TWIST2: variants seen among roughly 807,000 people sequenced by gnomAD.
TWIST2 encodes twist family bHLH transcription factor 2.
A neutral mutation model predicts 11.6 loss-of-function variants in TWIST2; 1 was observed. The observed-to-expected ratio is 0.09, with a 90% CI of 0.03 to 0.41. The LOEUF (loss-of-function observed/expected upper bound fraction) is 0.41. Ranked by LOEUF, TWIST2 falls within the 10% of genes least tolerant of loss-of-function variation. The probability of loss-of-function intolerance (pLI) is 0.98; values close to 1 mark genes in which losing one functional copy is unlikely to be tolerated. For missense variants in TWIST2, 168 were observed against 226.4 expected (o/e 0.74, Z 1.66); for synonymous variants, 87 against 96.6 (o/e 0.90, Z 0.58).
chr2:238,870,125 CA>C lies in TWIST2; in HGVS notation c.*35+21393del, dbSNP rs1280560331. ...GTACACAGACACACCATACACCCCC[CA>C]CACACACACCACACCCCATACACAC... is the stretch of plus-strand genomic sequence containing the variant. On this transcript the variant is annotated intron_variant, in intron 1 of 1. Coordinates refer to ENST00000612363, the MANE Select transcript of TWIST2 (RefSeq NM_001271893.4). Among the ~76,000 whole-genome samples the C allele has an allele frequency of 6.9e-3, 549 of 79,458 alleles. 49 individuals are homozygous for C. The highest frequency in any genetic ancestry group is 0.035 in the African/African-American group (515 of 14,864). The allele number at this position is 79,458 out of a possible 152,430, so 52.1% of individuals were successfully genotyped here. A position where few individuals can be genotyped will look rare whatever the true frequency, so the allele number is the denominator to read the frequency against.
At chr2:238,900,293 TGTGACTGGGCAGACAGAAGCTTGGG>T (rs1242185176) in intron 1 of TWIST2, among the ~76,000 whole-genome samples, 1 of 152,222 alleles carries the variant, frequency 6.6e-6, no homozygotes, top group Non-Finnish European at 1.5e-5. Flanking sequence ...TTATTCATTG[TGTGACTGGGCAGACAGAAGCTTGGG>T]GTGACTGGGG....
chr2:238,903,067 A>ATGTGCGTGATGTGAG (rs1693296741), intron 1 of TWIST2, among the ~76,000 whole-genome samples: 1 of 56,932 alleles, frequency 1.8e-5, no homozygotes, highest in Non-Finnish European at 3.2e-5. Context: ...TGTGTGATGT[A>ATGTGCGTGATGTGAG]GTGTGTGTGA....
intron 1 of TWIST2, among the ~76,000 whole-genome samples, chr2:238,872,754 C>T (rs575242212): frequency 1.3e-5 from 2 of 152,352 alleles, no homozygotes; most frequent in East Asian, 3.9e-4. Context: ...ATTTACTGGA[C>T]AGGTGACCAG....
chr2:238,876,727 G>C (rs750078889), intron 1 of TWIST2, among the ~76,000 whole-genome samples: 1 of 152,186 alleles, frequency 6.6e-6, no homozygotes, highest in South Asian at 2.1e-4. Context: ...GCATTCAGAT[G>C]CCTTTGCCAG....
Position 238,896,145 on chromosome 2 carries a change from G to A in TWIST2, c.*36-13697G>A, listed in dbSNP as rs896784008. ...CGGGGTCAGAGGCATGAGTCACGGA[G>A]GGGGGAGAGAGGGGCGGGGATCCGG... On this transcript the variant is annotated intron_variant, in intron 1 of 1. Coordinates refer to ENST00000612363, the MANE Select transcript of TWIST2 (RefSeq NM_001271893.4). Among the ~76,000 whole-genome samples, 748 of 152,312 alleles carry A rather than the reference G, an allele frequency of 4.9e-3. 7 individuals carry two copies. Among genetic ancestry groups the A allele is most frequent in the African/African-American group, 0.017 (690 of 41,568 alleles).
At chr2:238,898,165 C>T (rs1693227079) in intron 1 of TWIST2, among the ~76,000 whole-genome samples, 1 of 152,216 alleles carries the variant, frequency 6.6e-6, no homozygotes, top group African/African-American at 2.4e-5. Flanking sequence ...CAGCCCCGAG[C>T]AGGGAGCATC....
intron 1 of TWIST2, among the ~76,000 whole-genome samples, chr2:238,871,746 C>T (rs1309337720): frequency 6.6e-6 from 1 of 150,654 alleles, no homozygotes; most frequent in African/African-American, 2.4e-5. Flanking sequence ...CGATAGGGAC[C>T]ATAGCATGGA....
At chr2:238,870,903 T>TCC (rs1559274485) in intron 1 of TWIST2, among the ~76,000 whole-genome samples, 1 of 13,088 alleles carries the variant, frequency 7.6e-5, no homozygotes, top group Non-Finnish European at 1.6e-4. Flanking sequence ...ACCACATCCC[T>TCC]CCCACACACC....
chr2:238,894,214 G>A (rs1693180914), intron 1 of TWIST2, among the ~76,000 whole-genome samples: 1 of 152,172 alleles, frequency 6.6e-6, no homozygotes, highest in African/African-American at 2.4e-5. Flanking sequence ...CTCTTCCGGG[G>A]TTCCCAGCAT....
At chr2:238,882,687 C>A (rs1337093346) in intron 1 of TWIST2, among the ~76,000 whole-genome samples, 4 of 152,158 alleles carry the variant, frequency 2.6e-5, no homozygotes, top group African/African-American at 9.7e-5. Flanking sequence ...GGGAAAACTC[C>A]TTCTTGAAAG....
At chr2:238,876,647 C>T (rs756761353) in intron 1 of TWIST2, among the ~76,000 whole-genome samples, 3 of 152,166 alleles carry the variant, frequency 2.0e-5, no homozygotes, top group South Asian at 2.1e-4. Flanking sequence ...ATATAAGAAA[C>T]GTACACTCAG....
At chr2:238,868,012 AG>A (rs1338366490) in intron 1 of TWIST2, among the ~76,000 whole-genome samples, 1 of 152,210 alleles carries the variant, frequency 6.6e-6, no homozygotes, top group African/African-American at 2.4e-5. Flanking sequence ...AAAGAAAGAT[AG>A]AAAAAATAAA....
At chr2:238,870,586 C>CCTT (rs1692661492) in intron 1 of TWIST2, among the ~76,000 whole-genome samples, 1 of 40,720 alleles carries the variant, frequency 2.5e-5, no homozygotes. Context: ...CACACACACA[C>CCTT]ACCACACACC....
At position 238,894,000 on chromosome 2, in the gene TWIST2, C is replaced by A. The variant is rs1009110409; in HGVS notation, c.*36-15842C>A. On this transcript the variant is annotated intron_variant, in intron 1 of 1. Transcript: ENST00000612363. ...GTGCCTCCTTCCCAGCCTCTCCCTC[C>A]GCTTGCCCCTAAATATCTGCCTCCT... 1.2e-3 allele frequency among the ~76,000 whole-genome samples: 182 copies of A among 152,242 alleles called. 2 individuals are homozygous for A. The highest frequency in any genetic ancestry group is 2.7e-3 in the South Asian group (13 of 4,824).
intron 1 of TWIST2, chr2:238,886,781 G>T (rs573526264): frequency 2.6e-5 from 4 of 152,144 alleles, no homozygotes; most frequent in Non-Finnish European, 5.9e-5. Flanking sequence ...CCCACCAGAG[G>T]AGATTCTGAA....
In TWIST2 at chr2:238,891,398, C is replaced by T. The variant is rs566064529; in HGVS notation, c.*36-18444C>T. On this transcript the variant is annotated intron_variant, in intron 1 of 1. Coordinates refer to ENST00000612363, the MANE Select transcript of TWIST2 (RefSeq NM_001271893.4). ...GACTGGCCGAGCACCTGTGTGTCTC[C>T]TCAAAAGGAACCTGGGGCTTGGCCG... Among the ~76,000 whole-genome samples, 8 of 152,350 alleles carry T rather than the reference C, an allele frequency of 5.3e-5. No individual in the cohort carries two copies. The East Asian group carries it at 1.5e-3, about 29-fold the overall frequency.
At chr2:238,902,580 TG>T (rs1363742110) in intron 1 of TWIST2, among the ~76,000 whole-genome samples, 5 of 147,050 alleles carry the variant, frequency 3.4e-5, no homozygotes, top group African/African-American at 1.3e-4. Context: ...TAATGTGAGT[TG>T]TGTGTGTTGT....
At chr2:238,905,938 TGTGTGCGCGCGC>T (rs1693343473) in intron 1 of TWIST2, among the ~76,000 whole-genome samples, 4 of 142,598 alleles carry the variant, frequency 2.8e-5, no homozygotes, top group Admixed American at 1.4e-4. Flanking sequence ...TGTGCGCGTG[TGTGTGCGCGCGC>T]GTGTGTACGT....
At chr2:238,852,559 A>G (rs1164659303) in intron 1 of TWIST2, among the ~76,000 whole-genome samples, 2 of 152,254 alleles carry the variant, frequency 1.3e-5, no homozygotes, top group African/African-American at 4.8e-5. Context: ...TTTCAAACGT[A>G]AAGGCAAGAT....
Sources: allele counts gnomAD v4.1 joint callset (sites outside exome capture counted in the v4.1 genomes callset), GRCh38; gene constraint gnomAD v4.1.1; transcripts MANE v1.5; gene names NCBI Gene and HGNC (gene_info 2026-07-23, HGNC 2026-07-21).